The following MYT1L variants were observed in gnomAD, a reference collection of about 807,000 sequenced individuals.
MYT1L encodes the protein myelin transcription factor 1 like.
In MYT1L, 12 loss-of-function variants were observed where a neutral mutation model predicts 126.7. The observed-to-expected ratio is 0.09, with a 90% CI of 0.06 to 0.15. MYT1L has a LOEUF of 0.15. MYT1L is among the 10% of genes least tolerant of loss of function. The pLI, the probability that MYT1L is intolerant of heterozygous loss-of-function variation, is 1.00. For missense variants in MYT1L, 979 were observed against 1,585.2 expected (o/e 0.62, Z 6.49); for synonymous variants, 541 against 604.2 (o/e 0.90, Z 1.53).
intron 14 of MYT1L, among the ~76,000 whole-genome samples, chr2:1,896,429 C>T (rs2049573516): frequency 6.6e-6 from 1 of 152,200 alleles, no homozygotes; most frequent in Admixed American, 6.5e-5. Flanking sequence ...GGCACAGAAT[C>T]AACCTAGGCG....
At chr2:2,004,607 AGGCATTCTTTCCTGTG>A (rs1214837017) in intron 4 of MYT1L, among the ~76,000 whole-genome samples, 6 of 145,946 alleles carry the variant, frequency 4.1e-5, no homozygotes, top group South Asian at 2.2e-4. Flanking sequence ...TCTTTCCTGC[AGGCATTCTTTCCTGTG>A]TGCCTTCTTT....
chr2:1,851,823 G>C (rs2043297692), intron 18 of MYT1L, 120 bp from the exon 19 acceptor site: 1 of 934,222 alleles, frequency 1.1e-6, no homozygotes, highest in African/African-American at 1.6e-5. Context: ...CTTGAAAGAG[G>C]CTGAGTGGAG....
chr2:1,795,984 A>G (rs753382171), intron 23 of MYT1L, among the ~76,000 whole-genome samples: 1 of 152,246 alleles, frequency 6.6e-6, no homozygotes, highest in Non-Finnish European at 1.5e-5. Context: ...GGGGCCTGAC[A>G]TTGAAAGCTA....
chr2:2,134,679 C>A (rs1416661438), intron 3 of MYT1L, among the ~76,000 whole-genome samples: 1 of 152,162 alleles, frequency 6.6e-6, no homozygotes, highest in Non-Finnish European at 1.5e-5. Context: ...TGGGCGCTTA[C>A]CAGACAGACA....
chr2:1,958,009 C>A (rs894582295), intron 8 of MYT1L, among the ~76,000 whole-genome samples: 1 of 152,204 alleles, frequency 6.6e-6, no homozygotes, highest in African/African-American at 2.4e-5. Flanking sequence ...CTCACGCATG[C>A]CCCCAATGCT....
chr2:1,915,667 C>T (rs1426334738), intron 11 of MYT1L, among the ~76,000 whole-genome samples: 2 of 152,202 alleles, frequency 1.3e-5, no homozygotes, highest in African/African-American at 4.8e-5. Flanking sequence ...ATCGTGTGTT[C>T]AGACAGAAAC....
intron 22 of MYT1L, among the ~76,000 whole-genome samples, chr2:1,805,568 A>G (rs1314838875): frequency 6.6e-6 from 1 of 152,104 alleles, no homozygotes; most frequent in Non-Finnish European, 1.5e-5. Context: ...CACAGGGGGC[A>G]ACATAGTCAG....
intron 2 of MYT1L, among the ~76,000 whole-genome samples, chr2:2,257,188 G>A (rs570577215): frequency 5.3e-5 from 8 of 152,122 alleles, no homozygotes; most frequent in East Asian, 1.9e-4. Flanking sequence ...GAGAATAATC[G>A]CCATTCCCGA....
At chr2:2,197,370 C>T (rs2092844562) in intron 2 of MYT1L, among the ~76,000 whole-genome samples, 1 of 151,942 alleles carries the variant, frequency 6.6e-6, no homozygotes, top group Admixed American at 6.6e-5. Flanking sequence ...CAAAACAAGA[C>T]AGAAAAGGAA....
chr2:2,026,242 C>T (rs1273347047), intron 4 of MYT1L, among the ~76,000 whole-genome samples: 1 of 152,220 alleles, frequency 6.6e-6, no homozygotes, highest in Non-Finnish European at 1.5e-5. Context: ...CAGTCTGTCC[C>T]CTCCACTGTG....
intron 5 of MYT1L, among the ~76,000 whole-genome samples, chr2:1,986,739 T>G (rs759637608): frequency 3.3e-5 from 5 of 152,164 alleles, no homozygotes; most frequent in Non-Finnish European, 7.3e-5. Context: ...GAGAGAGGCC[T>G]CACTTCACTT....
chr2:2,104,156 G>A (rs1174481943), intron 3 of MYT1L, among the ~76,000 whole-genome samples: 1 of 152,216 alleles, frequency 6.6e-6, no homozygotes, highest in African/African-American at 2.4e-5. Flanking sequence ...ACCACAGTAT[G>A]TCCTCGAAAT....
intron 2 of MYT1L, among the ~76,000 whole-genome samples, chr2:2,222,314 G>A (rs557279148): frequency 6.6e-6 from 1 of 152,062 alleles, no homozygotes; most frequent in South Asian, 2.1e-4. Flanking sequence ...GGCCAACATG[G>A]AGAAACCCTG....
chr2:2,205,993 T>C (rs1388240500), intron 2 of MYT1L, among the ~76,000 whole-genome samples: 1 of 151,388 alleles, frequency 6.6e-6, no homozygotes, highest in African/African-American at 2.5e-5. Context: ...TCTTTCTTTT[T>C]TTTTTTTGAA....
At chr2:2,284,861 G>A (rs1316652446) in intron 1 of MYT1L, among the ~76,000 whole-genome samples, 1 of 151,824 alleles carries the variant, frequency 6.6e-6, no homozygotes, top group East Asian at 1.9e-4. Context: ...GCACCACCAT[G>A]CCCAGCTGAT....
At chr2:2,265,498 T>C in intron 2 of MYT1L, among the ~76,000 whole-genome samples, 1 of 152,124 alleles carries the variant, frequency 6.6e-6, no homozygotes, top group Non-Finnish European at 1.5e-5. Context: ...GCCAGTGGCA[T>C]GTGAAAGAGA....
At chr2:1,987,747 G>A (rs2061156486) in intron 5 of MYT1L, among the ~76,000 whole-genome samples, 1 of 152,136 alleles carries the variant, frequency 6.6e-6, no homozygotes, top group Non-Finnish European at 1.5e-5. Flanking sequence ...CAGGACCTCT[G>A]GAGCATCCTG....
chr2:1,911,948 C>A, intron 12 of MYT1L, 72 bp downstream of exon 12: 1 of 1,214,756 alleles, frequency 8.2e-7, no homozygotes, highest in Non-Finnish European at 1.1e-6. Context: ...GCGTGGTAGG[C>A]CCCCCAGGAA....
At position 2,037,980 on chromosome 2, in the gene MYT1L, G is replaced by A. The variant is rs61677746; in HGVS notation, c.-158+15998C>T. On this transcript the variant is annotated intron_variant, in intron 4 of 24. Coordinates refer to ENST00000647738, the MANE Select transcript of MYT1L (RefSeq NM_001303052.2). ...CAGCCTGGATGAACACTTGTGTTGTGTCCATGTCTTGCTTTTCTTACTAGG... is the reference window on the plus strand; with the variant it reads ...CAGCCTGGATGAACACTTGTGTTGTATCCATGTCTTGCTTTTCTTACTAGG... Among the ~76,000 whole-genome samples, 440 of 152,254 alleles carry A rather than the reference G, an allele frequency of 2.9e-3. 1 individual carries two copies. Among genetic ancestry groups the A allele is most frequent in the African/African-American group, 9.8e-3 (408 of 41,562 alleles).
Sources: allele counts gnomAD v4.1 joint callset (sites outside exome capture counted in the v4.1 genomes callset), GRCh38; gene constraint gnomAD v4.1.1; transcripts MANE v1.5; gene names NCBI Gene and HGNC (gene_info 2026-07-23, HGNC 2026-07-21).